FHIT: variants seen among roughly 807,000 people sequenced by gnomAD.
FHIT encodes the protein bis(5'-adenosyl)-triphosphatase.
FHIT carries 19 observed loss-of-function variants against 17.9 expected under a neutral mutation model. The ratio of observed to expected loss-of-function variants is 1.06; its 90% CI spans 0.74 to 1.56. The LOEUF is 1.56. Among genes scored for constraint, FHIT ranks in the 40% most tolerant of loss-of-function variants. The pLI is 0.00. For missense variants in FHIT, 248 were observed against 189.2 expected (o/e 1.31, Z -1.82); for synonymous variants, 81 against 69.7 (o/e 1.16, Z -0.81).
intron 4 of FHIT, among the ~76,000 whole-genome samples, chr3:60,722,067 T>C (rs950955498): frequency 2.6e-5 from 4 of 152,136 alleles, no homozygotes; most frequent in African/African-American, 9.7e-5. Flanking sequence ...CAGTGGTAAA[T>C]ACGAAAGGCT....
intron 7 of FHIT, among the ~76,000 whole-genome samples, chr3:59,967,227 T>C (rs978780685): frequency 2.0e-5 from 3 of 152,144 alleles, no homozygotes; most frequent in African/African-American, 4.8e-5. Flanking sequence ...AAGGACCTGC[T>C]TGAAGCGGTT....
chr3:59,957,404 C>G (rs1707457985), intron 7 of FHIT, among the ~76,000 whole-genome samples: 1 of 152,246 alleles, frequency 6.6e-6, no homozygotes, highest in Non-Finnish European at 1.5e-5. Context: ...TGGTCTTTGG[C>G]TTCCAGCCTC....
At chr3:61,178,482 A>T (rs1006619919) in intron 2 of FHIT, among the ~76,000 whole-genome samples, 2 of 150,308 alleles carry the variant, frequency 1.3e-5, no homozygotes, top group African/African-American at 4.9e-5. Flanking sequence ...TCCAGAATAT[A>T]GTAATCTAGT....
At chr3:60,405,493 C>T (rs1255020555) in intron 5 of FHIT, among the ~76,000 whole-genome samples, 2 of 152,158 alleles carry the variant, frequency 1.3e-5, no homozygotes, top group African/African-American at 4.8e-5. Flanking sequence ...ACCTCCTCAC[C>T]CTTCAATGTT....
intron 5 of FHIT, among the ~76,000 whole-genome samples, chr3:60,396,446 T>C (rs997491836): frequency 1.3e-5 from 2 of 152,162 alleles, no homozygotes; most frequent in Non-Finnish European, 2.9e-5. Flanking sequence ...AAACCACTTC[T>C]GTGCAGGGTG....
At chr3:60,189,181 A>C (rs1702289887) in intron 5 of FHIT, among the ~76,000 whole-genome samples, 1 of 151,984 alleles carries the variant, frequency 6.6e-6, no homozygotes, top group Non-Finnish European at 1.5e-5. Flanking sequence ...TTCTCTGACA[A>C]GTCAAATAAA....
chr3:60,803,989 C>G (rs1701293637), intron 4 of FHIT, among the ~76,000 whole-genome samples: 1 of 152,152 alleles, frequency 6.6e-6, no homozygotes, highest in Non-Finnish European at 1.5e-5. Flanking sequence ...TGGCATCCAA[C>G]CAAACACATG....
At chr3:59,884,283 C>T (rs1703528352) in intron 8 of FHIT, among the ~76,000 whole-genome samples, 1 of 152,108 alleles carries the variant, frequency 6.6e-6, no homozygotes, top group East Asian at 1.9e-4. Context: ...TTGTGTGGTG[C>T]ACATTTTATA....
intron 3 of FHIT, among the ~76,000 whole-genome samples, chr3:61,001,858 T>C (rs752236541): frequency 6.6e-6 from 1 of 152,212 alleles, no homozygotes; most frequent in Non-Finnish European, 1.5e-5. Flanking sequence ...ATATGCATTG[T>C]ACTAATGCCA....
At chr3:60,961,776 C>G (rs1240083321) in intron 3 of FHIT, among the ~76,000 whole-genome samples, 2 of 152,150 alleles carry the variant, frequency 1.3e-5, no homozygotes, top group African/African-American at 4.8e-5. Context: ...CTGTTCTGTT[C>G]CATTGGCCTA....
chr3:60,579,154 T>G (rs1387099500), intron 4 of FHIT, among the ~76,000 whole-genome samples: 2 of 152,150 alleles, frequency 1.3e-5, no homozygotes, highest in Non-Finnish European at 2.9e-5. Flanking sequence ...CATTAGGCAA[T>G]TTTGTCATAG....
intron 5 of FHIT, among the ~76,000 whole-genome samples, chr3:60,302,600 A>C (rs1187364045): frequency 1.3e-5 from 2 of 152,182 alleles, no homozygotes; most frequent in African/African-American, 4.8e-5. Context: ...ATGGTTGATT[A>C]GTATAAGCAA....
chr3:60,102,637 CT>C, intron 5 of FHIT, among the ~76,000 whole-genome samples: 1 of 151,816 alleles, frequency 6.6e-6, no homozygotes, highest in African/African-American at 2.4e-5. Flanking sequence ...AAAAAAAACC[CT>C]TCACCTTTAT....
At chr3:61,107,171 T>C (rs1371895969) in intron 2 of FHIT, among the ~76,000 whole-genome samples, 1 of 152,188 alleles carries the variant, frequency 6.6e-6, no homozygotes, top group Non-Finnish European at 1.5e-5. Flanking sequence ...TTTTATTCTC[T>C]GCCTCTATGA....
chr3:60,038,637 G>A (rs1320362305), intron 5 of FHIT, among the ~76,000 whole-genome samples: 1 of 152,152 alleles, frequency 6.6e-6, no homozygotes, highest in South Asian at 2.1e-4. Flanking sequence ...ATTCCTAAGG[G>A]AGAAATTTTG....
intron 3 of FHIT, among the ~76,000 whole-genome samples, chr3:60,989,604 T>C (rs2030004547): frequency 6.6e-6 from 1 of 152,176 alleles, no homozygotes; most frequent in Non-Finnish European, 1.5e-5. Flanking sequence ...ATCTTTGAAG[T>C]TCACACAGCA....
At chr3:60,029,325 A>G (rs1700883923) in intron 5 of FHIT, among the ~76,000 whole-genome samples, 1 of 152,294 alleles carries the variant, frequency 6.6e-6, no homozygotes, top group East Asian at 1.9e-4. Context: ...GGGTACTTGT[A>G]CTTCCAATGT....
At chr3:60,309,463 C>T (rs1708839641) in intron 5 of FHIT, among the ~76,000 whole-genome samples, 1 of 152,150 alleles carries the variant, frequency 6.6e-6, no homozygotes, top group Non-Finnish European at 1.5e-5. Flanking sequence ...ATGATTATGA[C>T]AGTCCCAAGA....
intron 8 of FHIT, among the ~76,000 whole-genome samples, chr3:59,887,910 C>A (rs1703694115): frequency 6.6e-6 from 1 of 152,184 alleles, no homozygotes; most frequent in Non-Finnish European, 1.5e-5. Flanking sequence ...ATGCAGAAAG[C>A]TACTTCTGAG....
Sources: gnomAD v4.1 joint callset for allele counts (sites outside exome capture counted in the v4.1 genomes callset) on GRCh38, gnomAD v4.1.1 for gene constraint, MANE v1.5 for transcripts, NCBI Gene and HGNC (gene_info 2026-07-23, HGNC 2026-07-21) for gene names.